The following PIGR variants were observed in gnomAD, a reference collection of about 807,000 sequenced individuals.
The protein encoded by PIGR is polymeric immunoglobulin receptor, also known as hepatocellular carcinoma associated protein TB6.
In PIGR, 22 loss-of-function variants were observed where a neutral mutation model predicts 69.5. That is an observed-to-expected ratio of 0.32 (90% CI 0.23 to 0.45). The LOEUF (loss-of-function observed/expected upper bound fraction) is 0.45, where lower values mean the gene tolerates loss of function less well. PIGR is among the 20% of genes least tolerant of loss of function. The pLI, the probability that PIGR is intolerant of heterozygous loss-of-function variation, is 1.00. For missense variants in PIGR, 885 were observed against 974.0 expected, an observed-to-expected ratio of 0.91 and a Z score of 1.22; for synonymous variants, 413 against 407.6, an observed-to-expected ratio of 1.01 and a Z score of -0.16.
At chr1:206,931,314 T>C (rs1679742846) in intron 10 of PIGR, 183 bp downstream of exon 10, 2 of 1,473,218 alleles carry the variant, frequency 1.4e-6, no homozygotes, top group African/African-American at 2.8e-5. Context: ...CACATCAGCA[T>C]CCCACAACCA....
intron 6 of PIGR, 138 bp from the exon 7 acceptor site, chr1:206,933,304 G>A (rs897609623): frequency 1.3e-6 from 1 of 749,686 alleles, no homozygotes; most frequent in South Asian, 1.9e-5. Flanking sequence ...TAGGACCCAG[G>A]ATGACATTAG....
At chr1:206,932,112 T>A (rs1045472582) in intron 8 of PIGR, among the ~76,000 whole-genome samples, 5 of 152,188 alleles carry the variant, frequency 3.3e-5, no homozygotes, top group African/African-American at 9.7e-5. Flanking sequence ...ATGAGGAAAC[T>A]GAGGCATGGC....
At chr1:206,940,757 T>C (rs1044481746) in intron 1 of PIGR, among the ~76,000 whole-genome samples, 173 bp from the exon 2 acceptor site, 19 of 152,238 alleles carry the variant, frequency 1.2e-4, no homozygotes, top group Admixed American at 3.9e-4. Flanking sequence ...TTATCATCCT[T>C]CAACACTTGT....
At chr1:206,940,034 A>C (rs988835368) in intron 2 of PIGR, among the ~76,000 whole-genome samples, 2 of 152,182 alleles carry the variant, frequency 1.3e-5, no homozygotes, top group African/African-American at 4.8e-5. Flanking sequence ...TGTTTTTTCA[A>C]ACAATAACAC....
chr1:206,934,793 G>A (rs1387171783), intron 5 of PIGR, 47 bp from the exon 6 acceptor site: 1 of 1,395,216 alleles, frequency 7.2e-7, no homozygotes, highest in Admixed American at 1.8e-5. Flanking sequence ...TTGGTACTTG[G>A]AGATGCTGCA....
rs1679746266 is a variant in PIGR at position 206,931,432 on chromosome 1, T to A, written c.2199+65A>T. ...CATGTTGAGGTAGTTCTTTCTGAAGTCTAACTGCATCCCCTCATGCTGCAT... is the reference window on the plus strand; with the variant it reads ...CATGTTGAGGTAGTTCTTTCTGAAGACTAACTGCATCCCCTCATGCTGCAT... On this transcript the variant is annotated intron_variant, in intron 10 of 10. Coordinates refer to ENST00000356495, the MANE Select transcript of PIGR (RefSeq NM_002644.4). 3 of 1,613,444 alleles carry A rather than the reference T, an allele frequency of 1.9e-6. No homozygotes were observed. The African/African-American group carries it at 4.0e-5, about 22-fold the overall frequency.
intron 2 of PIGR, among the ~76,000 whole-genome samples, chr1:206,940,019 T>C (rs551638046): frequency 6.6e-6 from 1 of 152,360 alleles, no homozygotes; most frequent in Non-Finnish European, 1.5e-5. Flanking sequence ...CATCCAGCCA[T>C]CCATTGTTTT....
chr1:206,940,464 G>A (rs1679959316), intron 2 of PIGR, 25 bp downstream of exon 2: 1 of 1,550,740 alleles, frequency 6.4e-7, no homozygotes, highest in South Asian at 1.2e-5. Flanking sequence ...GTGGAGCTTG[G>A]AGAGTTGGGG....
chr1:206,944,488 T>TA (rs561700130), intron 1 of PIGR, among the ~76,000 whole-genome samples: 25 of 151,978 alleles, frequency 1.6e-4, no homozygotes, highest in South Asian at 1.5e-3. Flanking sequence ...AATAAAAAAT[T>TA]AAAAAATGAA....
Position 206,934,528 on chromosome 1 carries a change from G to C in PIGR, c.1597C>G (p.Leu533Val), listed in dbSNP as rs1204205281. The C allele has an allele frequency of 1.2e-6, 2 of 1,614,252 alleles. No homozygotes were observed. Among genetic ancestry groups the C allele is most frequent in the Non-Finnish European group, 1.7e-6 (2 of 1,180,030 alleles). The stretch of plus-strand genomic sequence containing the variant: ...CAGCCCTCATCAGCCCTGGTCACCA[G>C]GTTCAGGGTCAGGGAGACAAGCCGG... ...NSRLVSLTLN[L>V]VTRADEGWYW... The change falls in exon 6 of 11, where the codon CTG becomes GTG. Residue 533 changes from leucine to valine, a missense_variant. Coordinates refer to ENST00000356495, the MANE Select transcript of PIGR (RefSeq NM_002644.4).
At chr1:206,945,928 G>A (rs1257085332) in intron 1 of PIGR, among the ~76,000 whole-genome samples, 1 of 152,150 alleles carries the variant, frequency 6.6e-6, no homozygotes, top group Non-Finnish European at 1.5e-5. Flanking sequence ...CTGAATGATA[G>A]GTGTTATTTC....
At position 206,934,425 on chromosome 1, in the gene PIGR, G is replaced by A; in HGVS notation, c.1700C>T (p.Ala567Val). Residue 567 changes from alanine (A) to valine (V), a missense_variant, in exon 6 of 11, where the codon GCA becomes GTA. Coordinates refer to ENST00000356495, the MANE Select transcript of PIGR (RefSeq NM_002644.4). The part of the protein sequence containing the change: ...AVYVAVEERK[A>V]AGSRDVSLAK... ...CCCTGTCCTTGGAGACTCACCCGCTGCCTTCCTCTCTTCAACTGCCACATA... is the reference window on the plus strand; with the variant it reads ...CCCTGTCCTTGGAGACTCACCCGCTACCTTCCTCTCTTCAACTGCCACATA... 4 of 1,612,828 alleles carry A rather than the reference G, an allele frequency of 2.5e-6. No individual in the cohort carries two copies. The highest frequency in any genetic ancestry group is 2.5e-6 in the Non-Finnish European group (3 of 1,179,018).
rs141346783 is a variant in PIGR, at chr1:206,937,552, C to A, written c.588G>T (p.Gln196His). ...CGCTGAACAGTAACTGGCCAGTACCCTGAATATCAAGGCGTATTCTTCCTG... is the reference window on the plus strand; with the variant it reads ...CGCTGAACAGTAACTGGCCAGTACCATGAATATCAAGGCGTATTCTTCCTG... ...NYTGRIRLDI[Q>H]GTGQLLFSVV... The change falls in exon 4 of 11, where the codon CAG (glutamine) becomes CAT (histidine). Residue 196 changes from glutamine (Q) to histidine (H), a missense_variant. By Grantham distance (24) the Gln-to-His change is conservative. Transcript: ENST00000356495. The A allele has an allele frequency of 6.2e-7, 1 of 1,614,224 alleles. No individual in the cohort carries two copies. The highest frequency in any genetic ancestry group is 8.5e-7 in the Non-Finnish European group (1 of 1,180,028).
intron 6 of PIGR, among the ~76,000 whole-genome samples, chr1:206,934,010 C>T (rs2102598304): frequency 6.6e-6 from 1 of 152,104 alleles, no homozygotes; most frequent in East Asian, 1.9e-4. Flanking sequence ...GCTGGGATTA[C>T]ACCACCATGC....
chr1:206,929,198 G>C lies in PIGR; in HGVS notation c.*1120C>G, dbSNP rs1366755237. ...GCAGAGGTTTCAGTGAGCCGAGATT[G>C]TGTCACTGCATTCCAGTCTGGGTGA... On this transcript the variant is annotated 3_prime_UTR_variant, in exon 11 of 11. Transcript: ENST00000356495. 1 of 151,988 alleles carries C rather than the reference G, an allele frequency of 6.6e-6. No homozygotes were observed. The highest frequency in any genetic ancestry group is 1.5e-5 in the Non-Finnish European group (1 of 68,052). The allele number at this position is 151,988 out of a possible 1,614,324, so 9.4% of individuals were successfully genotyped here. A position where few individuals can be genotyped will look rare whatever the true frequency, so the allele number is the denominator to read the frequency against.
At chr1:206,931,168 G>A (rs1679738443) in intron 10 of PIGR, 4 of 985,454 alleles carry the variant, frequency 4.1e-6, no homozygotes, top group South Asian at 4.7e-5. Context: ...CCCAGGAAGA[G>A]CATCCATTTA....
intron 6 of PIGR, among the ~76,000 whole-genome samples, chr1:206,934,084 ACTC>A (rs1321754800): frequency 5.3e-5 from 8 of 151,508 alleles, no homozygotes. Context: ...CTGGTGTTGA[ACTC>A]CTGGCCTCAA....
rs939510277 is a variant in PIGR at position 206,939,206 on chromosome 1, T to G, written c.301A>C (p.Ser101Arg). Residue 101 changes from serine to arginine, a missense_variant, in exon 3 of 11, where the codon AGC (serine) becomes CGC (arginine). Physicochemically the swap from Ser to Arg is moderately radical, Grantham distance 110 (BLOSUM62 -1). Coordinates refer to ENST00000356495, the MANE Select transcript of PIGR (RefSeq NM_002644.4). ...GTFVVNIAQL[S>R]QDDSGRYKCG... ...TTGTAGCGCCCGGAGTCATCCTGGC[T>G]CAGCTGGGCAATGTTCACCACAAAT... is the stretch of plus-strand genomic sequence containing the variant. The G allele has an allele frequency of 7.4e-6, 12 of 1,614,078 alleles. No individual in the cohort carries two copies. Among genetic ancestry groups the G allele is most frequent in the Non-Finnish European group, 5.1e-6 (6 of 1,180,042 alleles).
At position 206,935,532 on chromosome 1, in the gene PIGR, G is replaced by C. The variant is rs749036004; in HGVS notation, c.1332C>G (p.Asn444Lys). The C allele has an allele frequency of 6.2e-7, 1 of 1,614,168 alleles. No homozygotes were observed. Among genetic ancestry groups the C allele is most frequent in the Non-Finnish European group, 8.5e-7 (1 of 1,180,022 alleles). ...RDAGFYWCLT[N>K]GDTLWRTTVE... ...CGGTGGTCCTCCAGAGAGTATCGCCGTTGGTCAGACACCAGTAGAAGCCGG... is the reference window on the plus strand; with the variant it reads ...CGGTGGTCCTCCAGAGAGTATCGCCCTTGGTCAGACACCAGTAGAAGCCGG... The change falls in exon 5 of 11, where the codon AAC becomes AAG. Residue 444 changes from asparagine (N) to lysine (K), a missense_variant. Physicochemically the swap from Asn to Lys is moderately conservative, Grantham distance 94 (BLOSUM62 0). Transcript: ENST00000356495. The surrounding 1 kb of genome is among the most constrained non-coding windows in gnomAD (Gnocchi z 4.4).
Sources: gnomAD v4.1 joint callset for allele counts (sites outside exome capture counted in the v4.1 genomes callset) on GRCh38, gnomAD v4.1.1 for gene constraint, Gnocchi (gnomAD v3.1) non-coding constraint, MANE v1.5 for transcripts, NCBI Gene and HGNC (gene_info 2026-07-23, HGNC 2026-07-21) for gene names.